Variants in ZNRF3 observed in about 807,000 individuals in gnomAD.
ZNRF3 encodes E3 ubiquitin-protein ligase ZNRF3.
A neutral mutation model predicts 72.5 loss-of-function variants in ZNRF3; 23 were observed. The ratio of observed to expected loss-of-function variants is 0.32; its 90% CI spans 0.23 to 0.45. The LOEUF is 0.45. Ranked by LOEUF, ZNRF3 falls within the 20% of genes least tolerant of loss-of-function variation. The probability of loss-of-function intolerance (pLI) is 1.00; values close to 1 mark genes in which losing one functional copy is unlikely to be tolerated. For synonymous variants in ZNRF3, 610 were observed against 545.3 expected (o/e 1.12, Z -1.65); for missense variants, 1,169 against 1,272.1 (o/e 0.92, Z 1.23).
intron 1 of ZNRF3, among the ~76,000 whole-genome samples, chr22:28,964,240 A>C (rs543281808): frequency 6.6e-6 from 1 of 152,210 alleles, no homozygotes; most frequent in Non-Finnish European, 1.5e-5. Context: ...GGGCAAGTCC[A>C]TGTTGTATGA....
intron 2 of ZNRF3, among the ~76,000 whole-genome samples, chr22:29,033,565 G>T (rs1569289879): frequency 6.6e-6 from 1 of 152,146 alleles, no homozygotes; most frequent in Non-Finnish European, 1.5e-5. Context: ...TGCAAGGTGG[G>T]CTGGGCTGAG....
At chr22:29,033,886 G>C (rs1284682339) in intron 2 of ZNRF3, among the ~76,000 whole-genome samples, 1 of 152,196 alleles carries the variant, frequency 6.6e-6, no homozygotes, top group Admixed American at 6.5e-5. Flanking sequence ...AAATGACCCA[G>C]AAATGTCCGG....
chr22:28,978,696 G>T (rs375036308), intron 1 of ZNRF3, among the ~76,000 whole-genome samples: 3 of 152,082 alleles, frequency 2.0e-5, no homozygotes, highest in African/African-American at 7.2e-5. Flanking sequence ...GCATTATCTT[G>T]TTTCACCTTC....
chr22:28,999,250 C>A (rs1009700379), intron 2 of ZNRF3, among the ~76,000 whole-genome samples: 8 of 151,002 alleles, frequency 5.3e-5, no homozygotes, highest in Non-Finnish European at 1.2e-4. Context: ...AGGAGAATTG[C>A]TTGAACCTGG....
chr22:28,913,776 G>A (rs1454113591), intron 1 of ZNRF3, among the ~76,000 whole-genome samples: 2 of 152,190 alleles, frequency 1.3e-5, no homozygotes, highest in African/African-American at 4.8e-5. Flanking sequence ...ATGAAATAAT[G>A]TCAAGTAGCC....
At chr22:29,045,344 G>C (rs919409890) in intron 5 of ZNRF3, among the ~76,000 whole-genome samples, 3 of 127,272 alleles carry the variant, frequency 2.4e-5, no homozygotes, top group Non-Finnish European at 4.7e-5. Context: ...CTGGGTAACA[G>C]AGTAAGACCC....
intron 2 of ZNRF3, among the ~76,000 whole-genome samples, chr22:28,999,324 ACT>A (rs573850351): frequency 6.9e-4 from 104 of 151,342 alleles, no homozygotes; most frequent in Non-Finnish European, 1.2e-3. Flanking sequence ...ACAGAACAAG[ACT>A]CTGTCTCCAA....
chr22:28,927,276 C>T (rs539885698), intron 1 of ZNRF3, among the ~76,000 whole-genome samples: 6 of 152,150 alleles, frequency 3.9e-5, no homozygotes, highest in Admixed American at 3.9e-4. Context: ...GCTCAAAGCA[C>T]CGGGCGTGGT....
chr22:29,020,094 T>C (rs1402615689), intron 2 of ZNRF3, among the ~76,000 whole-genome samples: 1 of 151,932 alleles, frequency 6.6e-6, no homozygotes, highest in East Asian at 1.9e-4. Context: ...ATATAACCTA[T>C]GCACATCCTC....
intron 1 of ZNRF3, among the ~76,000 whole-genome samples, chr22:28,940,442 T>A (rs2123786831): frequency 6.6e-6 from 1 of 152,222 alleles, no homozygotes; most frequent in Non-Finnish European, 1.5e-5. Flanking sequence ...TCTCCTAGAT[T>A]TGAAGAGCAG....
intron 2 of ZNRF3, among the ~76,000 whole-genome samples, chr22:29,014,151 C>T (rs1012285738): frequency 4.6e-5 from 7 of 152,088 alleles, no homozygotes; most frequent in East Asian, 1.9e-4. Context: ...ACAGCCATTC[C>T]GAGTATTGCA....
intron 2 of ZNRF3, among the ~76,000 whole-genome samples, chr22:29,039,909 T>A (rs2036930063): frequency 2.0e-5 from 3 of 151,714 alleles, no homozygotes; most frequent in African/African-American, 7.3e-5. Flanking sequence ...CAGTGAGCTA[T>A]GATTGCACCA....
At chr22:29,027,728 A>AT (rs2036667686) in intron 2 of ZNRF3, among the ~76,000 whole-genome samples, 1 of 152,212 alleles carries the variant, frequency 6.6e-6, no homozygotes, top group Non-Finnish European at 1.5e-5. Context: ...CAGGAGATAG[A>AT]TTCAGTGTCA....
intron 1 of ZNRF3, chr22:28,917,558 A>G (rs2034431170): frequency 1.8e-6 from 1 of 569,278 alleles, no homozygotes; most frequent in Admixed American, 6.3e-5. Flanking sequence ...AGTATATAAA[A>G]GCTCTTATAG....
intron 1 of ZNRF3, among the ~76,000 whole-genome samples, chr22:28,961,077 G>A (rs947893863): frequency 3.9e-5 from 6 of 152,198 alleles, no homozygotes; most frequent in African/African-American, 1.4e-4. Flanking sequence ...CAGTTGAGGA[G>A]GCTGGAAAGT....
At chr22:28,905,226 C>T (rs1601541852) in intron 1 of ZNRF3, among the ~76,000 whole-genome samples, 3 of 152,266 alleles carry the variant, frequency 2.0e-5, no homozygotes, top group South Asian at 4.2e-4. Flanking sequence ...TATGAGCCAC[C>T]TCACCTGGCC....
chr22:29,022,433 C>T (rs1320769325), intron 2 of ZNRF3, among the ~76,000 whole-genome samples: 1 of 152,148 alleles, frequency 6.6e-6, no homozygotes, highest in Non-Finnish European at 1.5e-5. Flanking sequence ...ACTTGGGGAG[C>T]CTGGTATTTC....
intron 2 of ZNRF3, among the ~76,000 whole-genome samples, chr22:29,035,800 G>A (rs1176924390): frequency 1.3e-5 from 2 of 151,810 alleles, no homozygotes; most frequent in East Asian, 1.9e-4. Context: ...GGCTGCTCTC[G>A]AACTCCTGAA....
chr22:28,951,170 G>A (rs1255353824), intron 1 of ZNRF3, among the ~76,000 whole-genome samples: 4 of 152,226 alleles, frequency 2.6e-5, no homozygotes, highest in East Asian at 1.9e-4. Context: ...TTCTTATAGC[G>A]CCCTTCCTTT....
Sources: gnomAD v4.1 joint callset for allele counts (sites outside exome capture counted in the v4.1 genomes callset) on GRCh38, gnomAD v4.1.1 for gene constraint, MANE v1.5 for transcripts, NCBI Gene and HGNC (gene_info 2026-07-23, HGNC 2026-07-21) for gene names.